NUBPL: variants seen among roughly 807,000 people sequenced by gnomAD.
The protein encoded by NUBPL is NUBP iron-sulfur cluster assembly factor, mitochondrial.
Under a neutral mutation model 45.7 loss-of-function variants are expected in NUBPL, and 31 were observed. The observed-to-expected ratio is 0.68, with a 90% CI of 0.51 to 0.92. NUBPL has a LOEUF of 0.92. Ranked by LOEUF, NUBPL falls within the 40% of genes least tolerant of loss-of-function variation. The pLI, the probability that NUBPL is intolerant of heterozygous loss-of-function variation, is 0.00. For missense variants in NUBPL, 401 were observed against 398.7 expected, an observed-to-expected ratio of 1.01 and a Z score of -0.05; for synonymous variants, 144 against 140.9, an observed-to-expected ratio of 1.02 and a Z score of -0.15.
intron 3 of NUBPL, among the ~76,000 whole-genome samples, chr14:31,596,423 A>G (rs1226167082): frequency 3.9e-5 from 6 of 152,222 alleles, no homozygotes; most frequent in Non-Finnish European, 5.9e-5. Context: ...GAATAGCTTC[A>G]TCATGAAAAA....
chr14:31,838,279 C>CAAAAAAAAA (rs748313330), intron 8 of NUBPL, among the ~76,000 whole-genome samples: 7 of 60,268 alleles, frequency 1.2e-4, no homozygotes, highest in African/African-American at 3.1e-4. Flanking sequence ...TAATATCCAG[C>CAAAAAAAAA]AAAAAAAAAA....
chr14:31,718,576 T>TA (rs535265674), intron 6 of NUBPL, among the ~76,000 whole-genome samples: 1 of 152,266 alleles, frequency 6.6e-6, no homozygotes, highest in Non-Finnish European at 1.5e-5. Flanking sequence ...AAAATTGTAG[T>TA]AAAAAAATTC....
At chr14:31,644,816 T>G (rs2035799370) in intron 4 of NUBPL, among the ~76,000 whole-genome samples, 1 of 152,178 alleles carries the variant, frequency 6.6e-6, no homozygotes, top group Non-Finnish European at 1.5e-5. Flanking sequence ...TTGCTTTATA[T>G]GCTTGGGTAC....
chr14:31,832,785 C>T lies in NUBPL; in HGVS notation c.693+6071C>T, dbSNP rs530213075. On this transcript the variant is annotated intron_variant, in intron 8 of 10. Coordinates refer to ENST00000281081, the MANE Select transcript of NUBPL (RefSeq NM_025152.3). Reference sequence around the variant, plus strand: ...GGAGTTTGAATTGTAGATCCCAGCTCTGCCACTTTGTAACTGTATGACCTG... The same window carrying T: ...GGAGTTTGAATTGTAGATCCCAGCTTTGCCACTTTGTAACTGTATGACCTG... Among the ~76,000 whole-genome samples, 55 of 152,284 alleles carry T rather than the reference C, an allele frequency of 3.6e-4. 1 individual carries two copies. The South Asian group carries it at 8.9e-3, about 25-fold the overall frequency.
chr14:31,697,196 T>C (rs187677794), intron 6 of NUBPL, among the ~76,000 whole-genome samples: 45 of 152,240 alleles, frequency 3.0e-4, no homozygotes, highest in African/African-American at 1.0e-3. Flanking sequence ...CTGACAAAAG[T>C]AGGAAGCATG....
At chr14:31,809,474 A>T (rs923522588) in intron 7 of NUBPL, among the ~76,000 whole-genome samples, 14 of 152,048 alleles carry the variant, frequency 9.2e-5, no homozygotes, top group Non-Finnish European at 1.5e-4. Flanking sequence ...CACCTTTATC[A>T]TTTTTTATTG....
At chr14:31,757,853 A>T (rs1408602537) in intron 6 of NUBPL, among the ~76,000 whole-genome samples, 3 of 152,012 alleles carry the variant, frequency 2.0e-5, no homozygotes, top group South Asian at 2.1e-4. Flanking sequence ...TACTTACCTC[A>T]TCTCTACCAT....
chr14:31,688,556 G>C (rs947362499), intron 6 of NUBPL, among the ~76,000 whole-genome samples: 13 of 147,962 alleles, frequency 8.8e-5, no homozygotes, highest in African/African-American at 3.0e-4. Flanking sequence ...CTCCAGCCCG[G>C]GCAACAGTGT....
intron 6 of NUBPL, among the ~76,000 whole-genome samples, chr14:31,768,897 G>A (rs2038960186): frequency 6.6e-6 from 1 of 152,104 alleles, no homozygotes; most frequent in Admixed American, 6.6e-5. Flanking sequence ...GCCGACTTAT[G>A]CCATGTATGT....
At chr14:31,562,556 A>G (rs111869560) in intron 2 of NUBPL, among the ~76,000 whole-genome samples, 1,623 of 151,690 alleles carry the variant, frequency 0.011, 25 homozygotes, top group African/African-American at 0.037. Context: ...CTAGTGTTCA[A>G]TAATTGGTTG....
At chr14:31,617,575 C>T (rs150142733) in intron 4 of NUBPL, among the ~76,000 whole-genome samples, 41 of 152,218 alleles carry the variant, frequency 2.7e-4, no homozygotes, top group African/African-American at 9.6e-4. Context: ...TGTTGGATCA[C>T]GTTTATTGAT....
At chr14:31,782,769 G>A (rs1452624487) in intron 6 of NUBPL, among the ~76,000 whole-genome samples, 2 of 150,882 alleles carry the variant, frequency 1.3e-5, no homozygotes, top group Non-Finnish European at 3.0e-5. Flanking sequence ...CTGGGCGACA[G>A]AGTGAGACTC....
chr14:31,807,498 G>T (rs542656430), intron 7 of NUBPL, among the ~76,000 whole-genome samples: 1 of 152,052 alleles, frequency 6.6e-6, no homozygotes, highest in Non-Finnish European at 1.5e-5. Flanking sequence ...ATTGGCTTAC[G>T]TTCTTTGTAG....
chr14:31,584,415 G>A (rs2033943233), intron 3 of NUBPL, among the ~76,000 whole-genome samples: 1 of 152,140 alleles, frequency 6.6e-6, no homozygotes, highest in Non-Finnish European at 1.5e-5. Flanking sequence ...ATGAGCCATT[G>A]CACCTGACCC....
chr14:31,802,470 G>T lies in NUBPL; in HGVS notation c.607+14597G>T, dbSNP rs565569395. Among the ~76,000 whole-genome samples the T allele has an allele frequency of 4.6e-5, 7 of 152,130 alleles. No homozygotes were observed. The South Asian group carries it at 1.2e-3, about 27-fold the overall frequency. On this transcript the variant is annotated intron_variant, in intron 7 of 10. Transcript: ENST00000281081. ...TTTTTGTATTTTTAGTAGAGACCGG[G>T]TTTCACCATGTTGGCCAGGATGGTC... is the stretch of plus-strand genomic sequence containing the variant.
At chr14:31,606,719 A>G (rs2034610439) in intron 4 of NUBPL, among the ~76,000 whole-genome samples, 2 of 152,144 alleles carry the variant, frequency 1.3e-5, no homozygotes, top group Non-Finnish European at 2.9e-5. Flanking sequence ...TCTTTGGGGT[A>G]TCATAGATAT....
intron 4 of NUBPL, among the ~76,000 whole-genome samples, chr14:31,640,614 C>CAA (rs59871107): frequency 3.1e-5 from 3 of 97,018 alleles, no homozygotes; most frequent in South Asian, 3.3e-4. Context: ...GACTCTGTCT[C>CAA]AAAAAAAAAA....
intron 7 of NUBPL, chr14:31,801,054 C>T (rs1295790992): frequency 6.6e-6 from 1 of 152,224 alleles, no homozygotes; most frequent in African/African-American, 2.4e-5. Context: ...CTGGAAAGGG[C>T]AAGGGAGTGA....
intron 6 of NUBPL, among the ~76,000 whole-genome samples, chr14:31,737,254 CTTGA>C (rs1239502355): frequency 1.3e-5 from 2 of 152,136 alleles, no homozygotes; most frequent in Non-Finnish European, 1.5e-5. Context: ...CTTCTAGAAG[CTTGA>C]TTGTGTCAGC....
Sources: gnomAD v4.1 joint callset for allele counts (sites outside exome capture counted in the v4.1 genomes callset) on GRCh38, gnomAD v4.1.1 for gene constraint, MANE v1.5 for transcripts, NCBI Gene and HGNC (gene_info 2026-07-23, HGNC 2026-07-21) for gene names.